Variants in SPEF2 observed in about 807,000 individuals in gnomAD.
The protein encoded by SPEF2 is sperm flagella and cilia-associated protein 2.
A neutral mutation model predicts 224.6 loss-of-function variants in SPEF2; 187 were observed. The observed-to-expected ratio is 0.83, with a 90% CI of 0.74 to 0.94. SPEF2 has a LOEUF of 0.94. SPEF2 is among the 40% of genes least tolerant of loss of function. The probability of loss-of-function intolerance (pLI) is 0.00; values close to 1 mark genes in which losing one functional copy is unlikely to be tolerated. For synonymous variants in SPEF2, 715 were observed against 707.3 expected (o/e 1.01, Z -0.17); for missense variants, 2,170 against 2,135.6 (o/e 1.02, Z -0.32).
At chr5:35,734,148 G>T (rs1327625366) in intron 21 of SPEF2, among the ~76,000 whole-genome samples, 1 of 152,194 alleles carries the variant, frequency 6.6e-6, no homozygotes, top group Non-Finnish European at 1.5e-5. Context: ...CATAGGGAAA[G>T]AGGGAGGAAG....
intron 30 of SPEF2, chr5:35,781,798 G>C (rs1299662755): frequency 1.3e-5 from 2 of 151,998 alleles, no homozygotes; most frequent in African/African-American, 4.8e-5. Flanking sequence ...TTGCTTTTTA[G>C]GTATATCTAA....
intron 10 of SPEF2, among the ~76,000 whole-genome samples, chr5:35,689,076 A>C (rs946547227): frequency 1.3e-5 from 2 of 152,150 alleles, no homozygotes; most frequent in Non-Finnish European, 1.5e-5. Context: ...AAGACTTTTA[A>C]ACATTTACAT....
chr5:35,783,123 C>A (rs1159042525), intron 30 of SPEF2, among the ~76,000 whole-genome samples: 1 of 152,172 alleles, frequency 6.6e-6, no homozygotes, highest in Non-Finnish European at 1.5e-5. Context: ...AGCGTACTAC[C>A]GGCAGAGTTA....
intron 21 of SPEF2, among the ~76,000 whole-genome samples, chr5:35,730,533 A>G (rs1429332310): frequency 6.6e-6 from 1 of 152,264 alleles, no homozygotes; most frequent in African/African-American, 2.4e-5. Context: ...CTCTACGGCC[A>G]AAAGTATAAC....
At position 35,670,132 on chromosome 5, in the gene SPEF2, TCTGTTAAGACACTACC is replaced by T; in HGVS notation, c.1430_1445del (p.Ser477LeufsTer18). 3.1e-6 allele frequency: 5 copies of T among 1,612,380 alleles called. No homozygotes were observed. The highest frequency in any genetic ancestry group is 4.2e-6 in the Non-Finnish European group (5 of 1,178,990). ...TGCAAAACCCATATATGAACAAGCC[TCTGTTAAGACACTACC>T]TGCTAACCCCTCAAGAGAACAACTT... On this transcript the variant is annotated frameshift_variant, in exon 10 of 37. Transcript: ENST00000356031. LOFTEE classifies it high-confidence loss of function.
At chr5:35,782,243 T>G (rs567777459) in intron 30 of SPEF2, among the ~76,000 whole-genome samples, 1 of 152,330 alleles carries the variant, frequency 6.6e-6, no homozygotes, top group African/African-American at 2.4e-5. Flanking sequence ...TCTTAGTGAG[T>G]GATAGCAGGT....
chr5:35,755,074 G>T (rs1055398537), intron 24 of SPEF2, among the ~76,000 whole-genome samples: 1 of 152,228 alleles, frequency 6.6e-6, no homozygotes, highest in Non-Finnish European at 1.5e-5. Flanking sequence ...GAGGTTTCAA[G>T]AAATCAGGAT....
At chr5:35,740,898 C>A (rs537531666) in intron 23 of SPEF2, among the ~76,000 whole-genome samples, 1 of 152,140 alleles carries the variant, frequency 6.6e-6, no homozygotes, top group African/African-American at 2.4e-5. Context: ...GACACACCCC[C>A]CCTTATCCCA....
chr5:35,663,766 C>T (rs2149461882), intron 8 of SPEF2, among the ~76,000 whole-genome samples: 1 of 152,178 alleles, frequency 6.6e-6, no homozygotes, highest in South Asian at 2.1e-4. Context: ...TTCATCCTAC[C>T]TCTGCACACA....
chr5:35,784,619 A>G (rs1279681022), intron 30 of SPEF2, among the ~76,000 whole-genome samples: 1 of 152,216 alleles, frequency 6.6e-6, no homozygotes, highest in African/African-American at 2.4e-5. Flanking sequence ...CTTTCCAGGA[A>G]GAAAAGCAGG....
At chr5:35,618,326 CA>C (rs1476282693) in intron 1 of SPEF2, among the ~76,000 whole-genome samples, 2 of 152,198 alleles carry the variant, frequency 1.3e-5, no homozygotes, top group Admixed American at 6.5e-5. Flanking sequence ...ACGGTGGGCC[CA>C]ACCCGCAGGC....
intron 10 of SPEF2, among the ~76,000 whole-genome samples, chr5:35,674,045 T>C (rs1751546385): frequency 1.3e-5 from 2 of 152,332 alleles, no homozygotes; most frequent in South Asian, 2.1e-4. Context: ...AGCACAGTGA[T>C]AGATTTTAGT....
rs899335768 is a variant in SPEF2, at chr5:35,776,526, T to C, written c.4217+131T>C. The C allele has an allele frequency of 8.1e-6, 7 of 868,698 alleles. No homozygotes were observed. The African/African-American group carries it at 1.0e-4, about 13-fold the overall frequency. 53.8% of individuals were successfully genotyped at this position (868,698 alleles called of 1,614,324 possible). ...AATTTTGGCCTTTTAGGAAATCACG[T>C]GTATAAACAGATAATATGAGCTTTA... On this transcript the variant is annotated intron_variant, in intron 29 of 36. Transcript: ENST00000356031.
intron 2 of SPEF2, among the ~76,000 whole-genome samples, chr5:35,636,655 T>A (rs986587993): frequency 1.3e-5 from 2 of 152,070 alleles, no homozygotes; most frequent in African/African-American, 4.8e-5. Flanking sequence ...AATGGGGATT[T>A]TCACAACACT....
rs749997211 is a variant in SPEF2 at position 35,814,497 on chromosome 5, G to T, written c.5413G>T (p.Val1805Leu). 22 of 1,608,740 alleles carry T rather than the reference G, an allele frequency of 1.4e-5. No homozygotes were observed. Among genetic ancestry groups the T allele is most frequent in the Non-Finnish European group, 1.9e-5 (22 of 1,176,852 alleles). ...AATAATTCTCCAAAGGAGTGAACAT[G>T]TACAAGGAAGTGATGGAGAGAGATC... The part of the protein sequence containing the change: ...IKIILQRSEH[V>L]QGSDGERSPS... Residue 1805 changes from valine to leucine, a missense_variant, in exon 37 of 37, where the codon GTA becomes TTA. Coordinates refer to ENST00000356031, the MANE Select transcript of SPEF2 (RefSeq NM_024867.4).
rs1296959370 is a variant in SPEF2, at chr5:35,691,166, A to C, written c.1654A>C (p.Thr552Pro). ...KSLPPRAEST[T>P]PELPSFAVKG... Reference sequence around the variant, plus strand: ...TCTTCCTCCTCGAGCGGAATCAACAACACCTGAATTACCTTCATTTGCTGT... The same window carrying C: ...TCTTCCTCCTCGAGCGGAATCAACACCACCTGAATTACCTTCATTTGCTGT... The change falls in exon 11 of 37, where the codon ACA (threonine) becomes CCA (proline). Residue 552 changes from threonine to proline, a missense_variant. Physicochemically the swap from Thr to Pro is conservative, Grantham distance 38. Coordinates refer to ENST00000356031, the MANE Select transcript of SPEF2 (RefSeq NM_024867.4). The C allele has an allele frequency of 6.2e-7, 1 of 1,614,084 alleles. No individual in the cohort carries two copies. The highest frequency in any genetic ancestry group is 8.5e-7 in the Non-Finnish European group (1 of 1,179,982).
At chr5:35,751,057 GTA>G (rs1554048714) in intron 23 of SPEF2, among the ~76,000 whole-genome samples, 1 of 24,004 alleles carries the variant, frequency 4.2e-5, no homozygotes, top group East Asian at 1.1e-3. Flanking sequence ...ATATATATAC[GTA>G]TATATATGTA....
chr5:35,721,919 C>A (rs1188515333), intron 20 of SPEF2, among the ~76,000 whole-genome samples: 1 of 152,124 alleles, frequency 6.6e-6, no homozygotes, highest in Non-Finnish European at 1.5e-5. Flanking sequence ...GCAGCACAAA[C>A]CATACGGACA....
chr5:35,643,483 A>T (rs148694062), intron 3 of SPEF2: 4,695 of 456,018 alleles, frequency 0.01, 37 homozygotes, highest in Non-Finnish European at 0.014. Context: ...GAAGTATGAG[A>T]TTGCTTGTTT....
Sources: gnomAD v4.1 joint callset for allele counts (sites outside exome capture counted in the v4.1 genomes callset) on GRCh38, gnomAD v4.1.1 for gene constraint, MANE v1.5 for transcripts, NCBI Gene and HGNC (gene_info 2026-07-23, HGNC 2026-07-21) for gene names.